Variants in SLC1A2 observed in about 807,000 individuals in gnomAD.
SLC1A2 encodes solute carrier family 1 member 2, also known as excitatory amino acid transporter 2.
SLC1A2 carries 15 observed loss-of-function variants against 48.8 expected under a neutral mutation model. The ratio of observed to expected loss-of-function variants is 0.31; its 90% CI spans 0.21 to 0.47. SLC1A2 has a LOEUF of 0.47. Among genes scored for constraint, SLC1A2 ranks in the 20% least tolerant of loss-of-function variants. The probability of loss-of-function intolerance (pLI) is 0.99; values close to 1 mark genes in which losing one functional copy is unlikely to be tolerated. For missense variants in SLC1A2, 502 were observed against 730.5 expected, an observed-to-expected ratio of 0.69 and a Z score of 3.61; for synonymous variants, 279 against 272.6, an observed-to-expected ratio of 1.02 and a Z score of -0.23.
intron 1 of SLC1A2, among the ~76,000 whole-genome samples, chr11:35,356,866 T>C (rs968922754): frequency 1.2e-4 from 19 of 152,210 alleles, no homozygotes; most frequent in African/African-American, 4.3e-4. Flanking sequence ...TTAAGTATTG[T>C]TATTTCAGGC....
intron 1 of SLC1A2, among the ~76,000 whole-genome samples, chr11:35,324,855 C>T (rs1485400653): frequency 6.6e-6 from 1 of 152,158 alleles, no homozygotes; most frequent in Non-Finnish European, 1.5e-5. Flanking sequence ...AGACTCATCA[C>T]CCCAAACAGA....
chr11:35,386,254 C>A (rs575262348), intron 1 of SLC1A2, among the ~76,000 whole-genome samples: 1 of 152,134 alleles, frequency 6.6e-6, no homozygotes, highest in East Asian at 1.9e-4. Context: ...TGCTATATTT[C>A]TTTCACACTC....
At chr11:35,353,860 C>T (rs565937579) in intron 1 of SLC1A2, among the ~76,000 whole-genome samples, 5 of 152,284 alleles carry the variant, frequency 3.3e-5, no homozygotes, top group Admixed American at 1.3e-4. Flanking sequence ...AGGCCAAAGC[C>T]TCCCTTGAAA....
chr11:35,315,808 A>AAAAAAAAAAAAAAAAG (rs371762829), intron 2 of SLC1A2: 5 of 139,368 alleles, frequency 3.6e-5, no homozygotes, highest in African/African-American at 8.2e-5. Flanking sequence ...AAAAAAAAAA[A>AAAAAAAAAAAAAAAAG]AAAGAAAGAA....
At chr11:35,392,370 A>T (rs988980344) in intron 1 of SLC1A2, 1 of 152,190 alleles carries the variant, frequency 6.6e-6, no homozygotes, top group Non-Finnish European at 1.5e-5. Context: ...CAGGACTCGG[A>T]CGGGGAGGGC....
Position 35,331,963 on chromosome 11 carries a change from T to C in SLC1A2, c.18-14447A>G, listed in dbSNP as rs1852444723. ...ATAAGAATTTTTGAGAGACTAGTGA[T>C]TTGGAGGTACTAAGGGGACCCAAGT... On this transcript the variant is annotated intron_variant, in intron 1 of 10. Transcript: ENST00000278379. Among the ~76,000 whole-genome samples the C allele has an allele frequency of 3.3e-5, 5 of 152,074 alleles. 1 individual carries two copies. The South Asian group carries it at 1.0e-3, about 32-fold the overall frequency.
intron 1 of SLC1A2, among the ~76,000 whole-genome samples, chr11:35,391,860 G>T (rs1395804487): frequency 1.3e-5 from 2 of 152,056 alleles, no homozygotes; most frequent in Non-Finnish European, 2.9e-5. Flanking sequence ...ACTAGATTTG[G>T]TAACTCTGGA....
intron 8 of SLC1A2, among the ~76,000 whole-genome samples, chr11:35,283,669 G>A (rs1412936510): frequency 1.3e-5 from 2 of 152,096 alleles, no homozygotes; most frequent in East Asian, 1.9e-4. Context: ...ACCAAGAGTC[G>A]AGATACCAGA....
chr11:35,351,202 C>G (rs1175911473), intron 1 of SLC1A2, among the ~76,000 whole-genome samples: 1 of 152,220 alleles, frequency 6.6e-6, no homozygotes, highest in Non-Finnish European at 1.5e-5. Context: ...GTAGGCTAAC[C>G]ATGATCAGGC....
intron 1 of SLC1A2, among the ~76,000 whole-genome samples, chr11:35,359,282 G>C (rs1590226259): frequency 6.6e-6 from 1 of 152,172 alleles, no homozygotes; most frequent in African/African-American, 2.4e-5. Context: ...GAAAGTAGAG[G>C]ACATATTCAT....
chr11:35,366,327 T>C (rs11033098), intron 1 of SLC1A2, among the ~76,000 whole-genome samples: 46,128 of 152,168 alleles, frequency 0.3, 7,406 homozygotes, highest in African/African-American at 0.4. Flanking sequence ...AGCCAACTTG[T>C]AACTGCTAGC....
chr11:35,306,057 A>G lies in SLC1A2; in HGVS notation c.730+17T>C, dbSNP rs747623420. ...CATTGCCAGGGAAGCAGAATCCCGG[A>G]CCACCAGCTGGCCTACCTAAGACGT... On this transcript the variant is annotated intron_variant, in intron 5 of 10. Transcript: ENST00000278379. 26 of 1,611,394 alleles carry G rather than the reference A, an allele frequency of 1.6e-5. No homozygotes were observed. Among genetic ancestry groups the G allele is most frequent in the Non-Finnish European group, 2.2e-5 (26 of 1,178,230 alleles).
intron 9 of SLC1A2, among the ~76,000 whole-genome samples, chr11:35,273,849 A>G (rs73439110): frequency 0.012 from 1,833 of 152,308 alleles, 34 homozygotes; most frequent in African/African-American, 0.043. Flanking sequence ...CTAGAGACAC[A>G]ATTGGTTTTT....
At chr11:35,307,459 C>T (rs1241256988) in intron 4 of SLC1A2, among the ~76,000 whole-genome samples, 3 of 152,176 alleles carry the variant, frequency 2.0e-5, no homozygotes, top group Admixed American at 6.5e-5. Context: ...TTTAAAGGTG[C>T]CAGGCACCCT....
chr11:35,258,030 A>G lies in SLC1A2; in HGVS notation c.*2864T>C, dbSNP rs1455417204. On this transcript the variant is annotated 3_prime_UTR_variant, in exon 11 of 11. Coordinates refer to ENST00000278379, the MANE Select transcript of SLC1A2 (RefSeq NM_004171.4). ...GTTATTAGAGGTATACCCTGGATCC[A>G]TTTGTTCTGTTTATGGCACATATGC... 4 of 152,214 alleles carry G rather than the reference A, an allele frequency of 2.6e-5. No individual in the cohort carries two copies. The East Asian group carries it at 7.7e-4, about 29-fold the overall frequency. The allele number at this position is 152,214 out of a possible 1,614,324, so 9.4% of individuals were successfully genotyped here.
chr11:35,396,837 A>T (rs1854978099), intron 1 of SLC1A2, among the ~76,000 whole-genome samples: 1 of 152,040 alleles, frequency 6.6e-6, no homozygotes, highest in Admixed American at 6.5e-5. Context: ...AAGTCTCAGG[A>T]TACAAAATCA....
At chr11:35,322,500 C>A in intron 1 of SLC1A2, 1 of 1,032,904 alleles carries the variant, frequency 9.7e-7, no homozygotes, top group South Asian at 1.4e-5. Flanking sequence ...CCCCAGGGAG[C>A]CTAAAAGCAA....
chr11:35,408,215 C>T (rs575758758), intron 1 of SLC1A2, among the ~76,000 whole-genome samples: 8 of 152,312 alleles, frequency 5.3e-5, no homozygotes, highest in African/African-American at 1.7e-4. Context: ...ATGCTCATTT[C>T]TATACCTTAA....
chr11:35,374,262 G>A, intron 1 of SLC1A2: 1 of 943,134 alleles, frequency 1.1e-6, no homozygotes, highest in Non-Finnish European at 1.6e-6. Flanking sequence ...CCGAAGCTGA[G>A]AAATGGAACT....
Sources: allele counts gnomAD v4.1 joint callset (sites outside exome capture counted in the v4.1 genomes callset), GRCh38; gene constraint gnomAD v4.1.1; transcripts MANE v1.5; gene names NCBI Gene and HGNC (gene_info 2026-07-23, HGNC 2026-07-21).